Variants in RGS6 observed in about 807,000 individuals in gnomAD.
RGS6 encodes the protein regulator of G-protein signaling 6.
RGS6 carries 30 observed loss-of-function variants against 78.5 expected under a neutral mutation model. The observed-to-expected ratio is 0.38, with a 90% CI of 0.29 to 0.52. RGS6 has a LOEUF of 0.52. Among genes scored for constraint, RGS6 ranks in the 20% least tolerant of loss-of-function variants. The pLI is 0.85. For synonymous variants in RGS6, 206 were observed against 206.0 expected, an observed-to-expected ratio of 1.00 and a Z score of 0.00; for missense variants, 495 against 609.7, an observed-to-expected ratio of 0.81 and a Z score of 1.98.
chr14:72,055,212 C>T (rs578036642), intron 2 of RGS6, among the ~76,000 whole-genome samples: 223 of 152,204 alleles, frequency 1.5e-3, no homozygotes, highest in Non-Finnish European at 2.5e-3. Flanking sequence ...AATGGGAAAG[C>T]GCTTTCAGGG....
intron 2 of RGS6, among the ~76,000 whole-genome samples, chr14:72,300,114 AT>A: frequency 6.6e-6 from 1 of 152,214 alleles, no homozygotes; most frequent in East Asian, 1.9e-4. Context: ...CATATGATCT[AT>A]CCTAGTCAAC....
At chr14:72,426,405 C>A (rs777456764) in intron 3 of RGS6, among the ~76,000 whole-genome samples, 2 of 152,184 alleles carry the variant, frequency 1.3e-5, no homozygotes, top group Non-Finnish European at 2.9e-5. Flanking sequence ...GACCATTAGG[C>A]CGTTGTTGGC....
At chr14:72,614,092 A>C in the RGS6 span, among the ~76,000 whole-genome samples, 5 of 151,950 alleles carry the variant, frequency 3.3e-5, no homozygotes, top group Non-Finnish European at 7.4e-5. Context: ...GAACCAACCC[A>C]TCTGTCCCAT....
intron 2 of RGS6, among the ~76,000 whole-genome samples, chr14:71,979,961 T>C (rs1398436986): frequency 1.4e-5 from 2 of 139,008 alleles, no homozygotes; most frequent in Admixed American, 1.5e-4. Flanking sequence ...TGGGTGCATA[T>C]ATATTTAGGA....
chr14:72,401,841 C>A (rs1430994735), intron 3 of RGS6, among the ~76,000 whole-genome samples: 2 of 152,102 alleles, frequency 1.3e-5, no homozygotes, highest in Non-Finnish European at 2.9e-5. Context: ...GCCACCACAG[C>A]AAAAAGACTG....
chr14:72,597,138 C>G, the RGS6 span, among the ~76,000 whole-genome samples: 1 of 151,942 alleles, frequency 6.6e-6, no homozygotes, highest in Admixed American at 6.6e-5. Flanking sequence ...ACTCAGGAGG[C>G]TGAGGCAGGA....
intron 2 of RGS6, among the ~76,000 whole-genome samples, chr14:72,053,133 C>CCTTCCTTCCTTCCTTCCTTCCTTTCT (rs2093430896): frequency 8.3e-6 from 1 of 119,776 alleles, no homozygotes; most frequent in African/African-American, 3.2e-5. Flanking sequence ...TCCTTCCTTT[C>CCTTCCTTCCTTCCTTCCTTCCTTTCT]TTTTTTTGAT....
chr14:71,919,764 A>T, the RGS6 span, among the ~76,000 whole-genome samples: 1 of 152,012 alleles, frequency 6.6e-6, no homozygotes, highest in Non-Finnish European at 1.5e-5. Context: ...GAGGCCGAGG[A>T]GGGTGGATAA....
intron 2 of RGS6, among the ~76,000 whole-genome samples, chr14:72,349,146 G>C (rs1292166050): frequency 1.3e-5 from 2 of 152,108 alleles, no homozygotes; most frequent in African/African-American, 4.8e-5. Flanking sequence ...CAGCCTGGGT[G>C]AAGAGTGAGA....
intron 2 of RGS6, among the ~76,000 whole-genome samples, chr14:72,168,354 C>T (rs1435976007): frequency 6.6e-6 from 1 of 152,094 alleles, no homozygotes; most frequent in Admixed American, 6.5e-5. Context: ...CCTTCAGGCC[C>T]TGAGAGTGGA....
chr14:72,410,820 T>C (rs2093353846), intron 3 of RGS6, among the ~76,000 whole-genome samples: 1 of 152,240 alleles, frequency 6.6e-6, no homozygotes, highest in African/African-American at 2.4e-5. Flanking sequence ...ATTTATTAAA[T>C]AGGGAATCCT....
intron 2 of RGS6, among the ~76,000 whole-genome samples, chr14:71,989,491 A>G (rs982349851): frequency 4.6e-5 from 7 of 152,234 alleles, no homozygotes; most frequent in African/African-American, 9.6e-5. Flanking sequence ...TGCATCCTGC[A>G]TGTTATATTT....
chr14:72,540,552 C>T lies in RGS6; in HGVS notation c.1422+458C>T, dbSNP rs746886373. ...CCCTGGCAGTCACGCCGGTGTGGGTCGCGAGCTAATGTTGCTGTGTAGGCG... is the reference window on the plus strand; with the variant it reads ...CCCTGGCAGTCACGCCGGTGTGGGTTGCGAGCTAATGTTGCTGTGTAGGCG... On this transcript the variant is annotated intron_variant, in intron 17 of 17. Coordinates refer to ENST00000553525, the MANE Select transcript of RGS6 (RefSeq NM_001204424.2). 9 of 1,562,722 alleles carry T rather than the reference C, an allele frequency of 5.8e-6. No homozygotes were observed. In the East Asian group the frequency reaches 1.2e-4, roughly 21 times the overall value.
intron 17 of RGS6, among the ~76,000 whole-genome samples, chr14:72,551,376 A>G (rs1246692681): frequency 6.6e-6 from 1 of 152,180 alleles, no homozygotes; most frequent in Non-Finnish European, 1.5e-5. Flanking sequence ...ACCGTCCCAT[A>G]CCAACCAGAC....
At chr14:72,106,881 T>G (rs572792708) in intron 2 of RGS6, among the ~76,000 whole-genome samples, 13 of 152,312 alleles carry the variant, frequency 8.5e-5, no homozygotes, top group African/African-American at 3.1e-4. Flanking sequence ...TCATCAAATC[T>G]TAGTCCTGTC....
At chr14:72,103,827 A>G (rs1376369976) in intron 2 of RGS6, among the ~76,000 whole-genome samples, 1 of 152,208 alleles carries the variant, frequency 6.6e-6, no homozygotes, top group Non-Finnish European at 1.5e-5. Context: ...AAAGCCATTC[A>G]GGCCAGCCCA....
At chr14:71,964,692 G>A in intron 1 of RGS6, 80 bp from the exon 2 acceptor site, 2 of 962,886 alleles carry the variant, frequency 2.1e-6, no homozygotes, top group East Asian at 5.1e-5. Context: ...TCTGCCAAAA[G>A]TTACTTAATT....
Position 72,504,627 on chromosome 14 carries a change from T to G in RGS6, c.966-5527T>G, listed in dbSNP as rs529364927. On this transcript the variant is annotated intron_variant, in intron 13 of 17. Transcript: ENST00000553525. ...GTATTATCTAGGAAGATTGAGGCTTTCTTTATAGCTCTCCTCTTTACTTTC... is the reference window on the plus strand; with the variant it reads ...GTATTATCTAGGAAGATTGAGGCTTGCTTTATAGCTCTCCTCTTTACTTTC... Among the ~76,000 whole-genome samples the G allele has an allele frequency of 2.2e-4, 34 of 152,282 alleles. No homozygotes were observed. The South Asian group carries it at 7.0e-3, about 32-fold the overall frequency.
chr14:72,423,905 A>G (rs1350406125), intron 3 of RGS6, among the ~76,000 whole-genome samples: 1 of 152,202 alleles, frequency 6.6e-6, no homozygotes, highest in Non-Finnish European at 1.5e-5. Flanking sequence ...GACACTAGGG[A>G]TTATAGAAGT....
Sources: gnomAD v4.1 joint callset for allele counts (sites outside exome capture counted in the v4.1 genomes callset) on GRCh38, gnomAD v4.1.1 for gene constraint, MANE v1.5 for transcripts, NCBI Gene and HGNC (gene_info 2026-07-23, HGNC 2026-07-21) for gene names.